The following NEK11 variants were observed in gnomAD, a reference collection of about 807,000 sequenced individuals.
The protein encoded by NEK11 is NIMA related kinase 11.
Under a neutral mutation model 80.7 loss-of-function variants are expected in NEK11, and 72 were observed. That is an observed-to-expected ratio of 0.89 (90% CI 0.74 to 1.08). The LOEUF is 1.08. NEK11 is among the 50% of genes least tolerant of loss of function. The probability of loss-of-function intolerance (pLI) is 0.00; values close to 1 mark genes in which losing one functional copy is unlikely to be tolerated. For missense variants in NEK11, 764 were observed against 763.6 expected (o/e 1.00, Z -0.01); for synonymous variants, 251 against 260.7 (o/e 0.96, Z 0.36).
chr3:131,044,333 T>A (rs2066999726), intron 3 of NEK11, among the ~76,000 whole-genome samples: 1 of 149,458 alleles, frequency 6.7e-6, no homozygotes, highest in Non-Finnish European at 1.5e-5. Context: ...CCCATTGGTG[T>A]GCTGTATTCA....
chr3:131,348,045 A>G (rs1355620669), intron 17 of NEK11, among the ~76,000 whole-genome samples: 1 of 152,178 alleles, frequency 6.6e-6, no homozygotes, highest in Non-Finnish European at 1.5e-5. Context: ...TCTCATTCCC[A>G]TAACATTTTT....
intron 10 of NEK11, among the ~76,000 whole-genome samples, chr3:131,162,192 A>G (rs2091681984): frequency 2.0e-5 from 3 of 152,250 alleles, no homozygotes; most frequent in African/African-American, 7.2e-5. Flanking sequence ...GAAAGTAAAT[A>G]ATTTCCTTTA....
At chr3:131,142,138 AG>A (rs2087049302) in intron 7 of NEK11, among the ~76,000 whole-genome samples, 1 of 152,214 alleles carries the variant, frequency 6.6e-6, no homozygotes. Context: ...ACAGTGCTAG[AG>A]AGAAAGAGCA....
In NEK11 at chr3:131,243,454, T is replaced by A; in HGVS notation, c.1579T>A (p.Leu527Met). Residue 527 changes from leucine (L) to methionine (M), a missense_variant, in exon 16 of 18, where the codon TTG becomes ATG. By Grantham distance (15) the Leu-to-Met change is conservative (BLOSUM62 2). Coordinates refer to ENST00000383366, the MANE Select transcript of NEK11 (RefSeq NM_024800.5). ...TNQQDSDIEA[L>M]ARCLENVLGC... ...TTGACAGGACAGTGATATCGAAGCG[T>A]TGGCCAGGTGTTTGGAAAATGTCCT... 8 of 1,612,964 alleles carry A rather than the reference T, an allele frequency of 5.0e-6. No individual in the cohort carries two copies. Among genetic ancestry groups the A allele is most frequent in the Non-Finnish European group, 6.8e-6 (8 of 1,179,340 alleles).
chr3:131,170,704 T>G lies in NEK11; in HGVS notation c.1285-69T>G, dbSNP rs528970912. The G allele has an allele frequency of 1.8e-4, 171 of 954,158 alleles. No homozygotes were observed. The African/African-American group carries it at 2.3e-3, about 13-fold the overall frequency. 59.1% of individuals were successfully genotyped at this position (954,158 alleles called of 1,614,324 possible). A position where few individuals can be genotyped will look rare whatever the true frequency, so the allele number is the denominator to read the frequency against. ...CAAGTAGTCTTCTAAATAAGAATAT[T>G]TTTTTCATTTGTGGTAGTGCTGTTT... is the stretch of plus-strand genomic sequence containing the variant. On this transcript the variant is annotated intron_variant, in intron 13 of 17. Transcript: ENST00000383366.
At chr3:131,157,202 G>C (rs2149869572) in intron 10 of NEK11, among the ~76,000 whole-genome samples, 2 of 152,320 alleles carry the variant, frequency 1.3e-5, no homozygotes, top group Admixed American at 1.3e-4. Flanking sequence ...TGTAAGTTCA[G>C]GGTAGGATCC....
At chr3:131,137,598 A>G (rs1307695487) in intron 7 of NEK11, among the ~76,000 whole-genome samples, 1 of 152,164 alleles carries the variant, frequency 6.6e-6, no homozygotes, top group Non-Finnish European at 1.5e-5. Flanking sequence ...ATTTTCATCC[A>G]ATGGAAGCTT....
chr3:131,266,401 C>T (rs1396573739), intron 16 of NEK11, among the ~76,000 whole-genome samples: 13 of 152,130 alleles, frequency 8.5e-5, no homozygotes, highest in Admixed American at 5.2e-4. Flanking sequence ...GATTCTGGTA[C>T]GTTGTGTCTT....
intron 3 of NEK11, among the ~76,000 whole-genome samples, chr3:131,078,256 G>T (rs566657022): frequency 1.3e-5 from 2 of 152,190 alleles, no homozygotes; most frequent in East Asian, 1.9e-4. Flanking sequence ...TCCCAGTAAT[G>T]GTCATCTTGG....
intron 14 of NEK11, among the ~76,000 whole-genome samples, chr3:131,172,522 T>C (rs1347828137): frequency 6.6e-6 from 1 of 152,256 alleles, no homozygotes; most frequent in Non-Finnish European, 1.5e-5. Context: ...GGAAGCCATC[T>C]TGTAACAGAC....
chr3:131,299,151 G>A (rs529766835), intron 17 of NEK11, among the ~76,000 whole-genome samples: 1 of 152,196 alleles, frequency 6.6e-6, no homozygotes, highest in South Asian at 2.1e-4. Context: ...TGTAGCAAGG[G>A]TGTGATGTAA....
chr3:131,144,601 T>A (rs529861637), intron 7 of NEK11, among the ~76,000 whole-genome samples: 10 of 152,288 alleles, frequency 6.6e-5, no homozygotes, highest in Admixed American at 2.0e-4. Flanking sequence ...AACCTCTAAG[T>A]GATTTGCATG....
intron 17 of NEK11, among the ~76,000 whole-genome samples, chr3:131,341,912 C>G (rs1328229121): frequency 6.6e-6 from 1 of 152,118 alleles, no homozygotes; most frequent in Non-Finnish European, 1.5e-5. Context: ...GTAACAACAC[C>G]TAGCTGGATT....
chr3:131,239,593 G>A (rs1432537625), intron 15 of NEK11, among the ~76,000 whole-genome samples: 8 of 152,114 alleles, frequency 5.3e-5, no homozygotes, highest in Non-Finnish European at 7.4e-5. Context: ...ATATGCCTTC[G>A]GGAGTCAGTA....
intron 3 of NEK11, among the ~76,000 whole-genome samples, chr3:131,034,501 G>A (rs2065336006): frequency 6.6e-6 from 1 of 152,040 alleles, no homozygotes; most frequent in Admixed American, 6.5e-5. Context: ...CCGGCTTCAC[G>A]CCATTCTCCT....
At position 131,115,362 on chromosome 3, in the gene NEK11, T is replaced by C. The variant is rs140468995; in HGVS notation, c.455+5441T>C. 3.1e-3 allele frequency among the ~76,000 whole-genome samples: 467 copies of C among 152,246 alleles called. 1 individual carries two copies. The highest frequency in any genetic ancestry group is 0.011 in the African/African-American group (444 of 41,530). ...GGGACTTCTCAGCCTCCCTAATTCA[T>C]GAGCCAATTCTTCATAATAAATCAT... On this transcript the variant is annotated intron_variant, in intron 5 of 17. Transcript: ENST00000383366.
At chr3:131,044,580 G>C (rs754839772) in intron 3 of NEK11, among the ~76,000 whole-genome samples, 16 of 151,794 alleles carry the variant, frequency 1.1e-4, no homozygotes, top group Non-Finnish European at 1.9e-4. Context: ...AACTATCCTA[G>C]GTATATATGC....
chr3:131,106,932 G>A (rs1052552659), intron 4 of NEK11, among the ~76,000 whole-genome samples: 1 of 152,004 alleles, frequency 6.6e-6, no homozygotes, highest in Non-Finnish European at 1.5e-5. Flanking sequence ...CTGGCCCATG[G>A]AACAAGATTA....
At chr3:131,306,794 C>G (rs1172586645) in intron 17 of NEK11, among the ~76,000 whole-genome samples, 1 of 152,210 alleles carries the variant, frequency 6.6e-6, no homozygotes, top group African/African-American at 2.4e-5. Flanking sequence ...GTATATCTCA[C>G]TCAATTATGG....
Sources: allele counts gnomAD v4.1 joint callset (sites outside exome capture counted in the v4.1 genomes callset), GRCh38; gene constraint gnomAD v4.1.1; transcripts MANE v1.5; gene names NCBI Gene and HGNC (gene_info 2026-07-23, HGNC 2026-07-21).